The following SMG6 variants were observed in gnomAD, a reference collection of about 807,000 sequenced individuals.
The protein encoded by SMG6 is SMG6 nonsense mediated mRNA decay factor.
Under a neutral mutation model 142.2 loss-of-function variants are expected in SMG6, and 66 were observed. The ratio of observed to expected loss-of-function variants is 0.46; its 90% CI spans 0.38 to 0.57. The LOEUF (loss-of-function observed/expected upper bound fraction) is 0.57. Ranked by LOEUF, SMG6 falls within the 20% of genes least tolerant of loss-of-function variation. The probability of loss-of-function intolerance (pLI) is 0.00; values close to 1 mark genes in which losing one functional copy is unlikely to be tolerated. For missense variants in SMG6, 1,793 were observed against 1,832.0 expected, an observed-to-expected ratio of 0.98 and a Z score of 0.39; for synonymous variants, 779 against 702.4, an observed-to-expected ratio of 1.11 and a Z score of -1.72.
At position 2,085,450 on chromosome 17, in the gene SMG6, T is replaced by C. The variant is rs1450441943; in HGVS notation, c.3534+275A>G. 1.3e-5 allele frequency among the ~76,000 whole-genome samples: 2 copies of C among 152,174 alleles called. No individual in the cohort carries two copies. Among genetic ancestry groups the C allele is most frequent in the African/African-American group, 4.8e-5 (2 of 41,422 alleles). On this transcript the variant is annotated intron_variant, in intron 14 of 18. Coordinates refer to ENST00000263073, the MANE Select transcript of SMG6 (RefSeq NM_017575.5). This position sits in a 1 kb window ranked among gnomAD's most constrained non-coding sequence, Gnocchi z 4.1. Reference sequence around the variant, plus strand: ...TCTCCCTTTCCTAAGCCTCGAGAGCTGCACATTATTCAACTCCTTTCTTTC... The same window carrying C: ...TCTCCCTTTCCTAAGCCTCGAGAGCCGCACATTATTCAACTCCTTTCTTTC...
At chr17:2,176,509 T>C (rs1470009279) in intron 12 of SMG6, among the ~76,000 whole-genome samples, 1 of 152,184 alleles carries the variant, frequency 6.6e-6, no homozygotes, top group African/African-American at 2.4e-5. Flanking sequence ...TCTGGTTCAA[T>C]GCATATTTTA....
At chr17:2,204,111 G>C (rs1264128878) in intron 10 of SMG6, among the ~76,000 whole-genome samples, 1 of 152,128 alleles carries the variant, frequency 6.6e-6, no homozygotes, top group Non-Finnish European at 1.5e-5. Context: ...CCACAGGCAT[G>C]TGCCACCATG....
intron 8 of SMG6, among the ~76,000 whole-genome samples, chr17:2,253,111 A>ATATTC: frequency 7.4e-6 from 1 of 135,498 alleles, no homozygotes; most frequent in East Asian, 2.2e-4. Context: ...AAAGCCTAAA[A>ATATTC]TATTTTATTT....
intron 13 of SMG6, among the ~76,000 whole-genome samples, chr17:2,098,974 A>G (rs2068933919): frequency 1.3e-5 from 2 of 152,010 alleles, no homozygotes; most frequent in Non-Finnish European, 2.9e-5. Context: ...ACAATTCTTA[A>G]TATCTTTCTC....
rs566740713 is a variant in SMG6 at position 2,179,946 on chromosome 17, G to A, written c.3155+6717C>T. On this transcript the variant is annotated intron_variant, in intron 12 of 18. Transcript: ENST00000263073. ...AAACCAACTGCCACAGCTGGGCTAG[G>A]TTTGGATGTTCTCAAAGTCCCCTGA... Among the ~76,000 whole-genome samples the A allele has an allele frequency of 3.3e-5, 5 of 152,334 alleles. No homozygotes were observed. The South Asian group carries it at 1.0e-3, about 32-fold the overall frequency.
intron 9 of SMG6, among the ~76,000 whole-genome samples, chr17:2,240,682 C>T (rs887825555): frequency 3.3e-5 from 5 of 152,202 alleles, no homozygotes; most frequent in Non-Finnish European, 5.9e-5. Context: ...CTGAACCTCT[C>T]GTCAGCTAGT....
chr17:2,087,768 G>C, intron 13 of SMG6: 2 of 985,944 alleles, frequency 2.0e-6, no homozygotes, highest in South Asian at 4.7e-5. Flanking sequence ...GTAATAGCCT[G>C]GCAGGCAGCA....
At chr17:2,265,330 C>T (rs1267089060) in intron 8 of SMG6, among the ~76,000 whole-genome samples, 6 of 151,944 alleles carry the variant, frequency 3.9e-5, no homozygotes, top group Non-Finnish European at 8.8e-5. Flanking sequence ...GCCAACATGG[C>T]GAAACACCAT....
intron 10 of SMG6, chr17:2,215,415 A>G (rs562589706): frequency 2.1e-4 from 32 of 152,326 alleles, no homozygotes; most frequent in African/African-American, 7.5e-4. Context: ...GAGTAGAGAG[A>G]GAAAATAGCA....
At chr17:2,130,197 T>C (rs2070064898) in intron 13 of SMG6, among the ~76,000 whole-genome samples, 1 of 137,958 alleles carries the variant, frequency 7.2e-6, no homozygotes, top group African/African-American at 2.8e-5. Flanking sequence ...GAAGCGGAGC[T>C]TGCAGTGAGC....
chr17:2,300,318 G>C lies in SMG6; in HGVS notation c.435C>G (p.Ile145Met). The C allele has an allele frequency of 6.2e-7, 1 of 1,614,028 alleles. No homozygotes were observed. The highest frequency in any genetic ancestry group is 8.5e-7 in the Non-Finnish European group (1 of 1,180,036). The change falls in exon 2 of 19, where the codon ATC becomes ATG. Residue 145 changes from isoleucine (I) to methionine (M), a missense_variant. By Grantham distance (10) the Ile-to-Met change is conservative. Transcript: ENST00000263073. ...IKRTKKPDLQ[I>M]YQPGRRLQTV... The stretch of plus-strand genomic sequence containing the variant: ...TCTGCAAACGTCGTCCAGGCTGATA[G>C]ATCTGCAGGTCGGGTTTCTTTGTTC...
chr17:2,273,410 C>A (rs1355937881), intron 8 of SMG6, among the ~76,000 whole-genome samples: 1 of 152,136 alleles, frequency 6.6e-6, no homozygotes, highest in African/African-American at 2.4e-5. Context: ...CCTGTAATCC[C>A]AGCACTTTGG....
intron 8 of SMG6, among the ~76,000 whole-genome samples, chr17:2,280,819 A>C (rs985580111): frequency 6.6e-6 from 1 of 152,150 alleles, no homozygotes; most frequent in African/African-American, 2.4e-5. Flanking sequence ...GATACACCTC[A>C]TGCCTGTAAT....
intron 12 of SMG6, among the ~76,000 whole-genome samples, chr17:2,181,023 C>T (rs1184657295): frequency 6.6e-6 from 1 of 152,160 alleles, no homozygotes; most frequent in East Asian, 1.9e-4. Flanking sequence ...AAGGACTTTA[C>T]AAGCGTCAGG....
intron 13 of SMG6, among the ~76,000 whole-genome samples, chr17:2,106,028 T>C (rs759158370): frequency 6.6e-6 from 1 of 152,216 alleles, no homozygotes; most frequent in Non-Finnish European, 1.5e-5. Context: ...ACTTTTACTT[T>C]GCAAGCAACA....
chr17:2,243,318 C>A (rs1416764279), intron 9 of SMG6, among the ~76,000 whole-genome samples: 1 of 152,192 alleles, frequency 6.6e-6, no homozygotes, highest in Non-Finnish European at 1.5e-5. Flanking sequence ...TGGAACCAAG[C>A]CTTTCCGCTT....
chr17:2,291,314 G>C (rs370834623), intron 6 of SMG6, among the ~76,000 whole-genome samples: 6 of 151,098 alleles, frequency 4.0e-5, no homozygotes, highest in African/African-American at 1.5e-4. Context: ...CTGAGCGACA[G>C]AGCGAGACTC....
chr17:2,118,934 T>C (rs1290364141), intron 13 of SMG6, among the ~76,000 whole-genome samples: 1 of 151,846 alleles, frequency 6.6e-6, no homozygotes, highest in Non-Finnish European at 1.5e-5. Context: ...TCTCGTTCTG[T>C]TGCCCAGGCT....
chr17:2,303,611 G>A, intron 1 of SMG6, 22 bp downstream of exon 1: 2 of 1,431,128 alleles, frequency 1.4e-6, no homozygotes, highest in African/African-American at 1.5e-5. Context: ...GCCCGGCCCA[G>A]GAGCTGGGCG....
Sources: gnomAD v4.1 joint callset for allele counts (sites outside exome capture counted in the v4.1 genomes callset) on GRCh38, gnomAD v4.1.1 for gene constraint, Gnocchi (gnomAD v3.1) non-coding constraint, MANE v1.5 for transcripts, NCBI Gene and HGNC (gene_info 2026-07-23, HGNC 2026-07-21) for gene names.